The following PIGK variants were observed in gnomAD, a reference collection of about 807,000 sequenced individuals.
PIGK encodes phosphatidylinositol glycan anchor biosynthesis class K.
Under a neutral mutation model 50.6 loss-of-function variants are expected in PIGK, and 42 were observed. The ratio of observed to expected loss-of-function variants is 0.83; its 90% CI spans 0.65 to 1.07. The LOEUF (loss-of-function observed/expected upper bound fraction) is 1.07. Ranked by LOEUF, PIGK falls within the 50% of genes least tolerant of loss-of-function variation. PIGK has a pLI of 0.00. For missense variants in PIGK, 448 were observed against 488.7 expected (o/e 0.92, Z 0.78); for synonymous variants, 151 against 156.0 (o/e 0.97, Z 0.24).
chr1:77,200,751 T>C (rs1656145629), intron 3 of PIGK, among the ~76,000 whole-genome samples: 1 of 152,284 alleles, frequency 6.6e-6, no homozygotes, highest in Non-Finnish European at 1.5e-5. Flanking sequence ...AGACCTGAAT[T>C]CAAATTGTGA....
At chr1:77,153,758 G>A (rs1217974947) in intron 9 of PIGK, 3 of 152,048 alleles carry the variant, frequency 2.0e-5, no homozygotes, top group African/African-American at 7.2e-5. Context: ...TGCTGTAATT[G>A]TATATATTGC....
At chr1:77,189,736 TATATATATATATACAC>T (rs1179383016) in intron 3 of PIGK, among the ~76,000 whole-genome samples, 104 of 32,040 alleles carry the variant, frequency 3.2e-3, no homozygotes, top group African/African-American at 0.01. Flanking sequence ...TATATATATA[TATATATATATATACAC>T]ACACACACAC....
At chr1:77,200,732 A>G (rs1028692450) in intron 3 of PIGK, among the ~76,000 whole-genome samples, 14 of 152,186 alleles carry the variant, frequency 9.2e-5, no homozygotes, top group African/African-American at 3.4e-4. Context: ...CTCTGGCCAT[A>G]AAGTCAGAAG....
chr1:77,126,060 C>T (rs1323505403), intron 9 of PIGK, among the ~76,000 whole-genome samples: 1 of 152,068 alleles, frequency 6.6e-6, no homozygotes, highest in Admixed American at 6.6e-5. Flanking sequence ...ACATATCTTC[C>T]TGTTTGTCCA....
chr1:77,144,046 G>A (rs1350941096), intron 9 of PIGK, among the ~76,000 whole-genome samples: 2 of 152,048 alleles, frequency 1.3e-5, no homozygotes, highest in Non-Finnish European at 2.9e-5. Flanking sequence ...GAGGACAGAA[G>A]AGGTCCAGTA....
intron 10 of PIGK, among the ~76,000 whole-genome samples, chr1:77,113,088 CATT>C (rs1402895344): frequency 6.6e-6 from 1 of 151,946 alleles, no homozygotes; most frequent in Non-Finnish European, 1.5e-5. Flanking sequence ...TTAGAACAGT[CATT>C]ATGATTCTAT....
intron 10 of PIGK, among the ~76,000 whole-genome samples, chr1:77,098,111 G>T (rs1653462793): frequency 6.6e-6 from 1 of 152,108 alleles, no homozygotes; most frequent in Non-Finnish European, 1.5e-5. Context: ...CAGTGGGAAA[G>T]GGAATAGTAG....
Position 77,104,046 on chromosome 1 carries a change from T to C in PIGK, c.1072-11556A>G, listed in dbSNP as rs555264892. The stretch of plus-strand genomic sequence containing the variant: ...TCTTAAAAAAAAAAAAAAAGACTAC[T>C]CTGGATCTGTTGGTAACAACTTAAG... On this transcript the variant is annotated intron_variant, in intron 10 of 10. Transcript: ENST00000370812. Among the ~76,000 whole-genome samples, 19 of 149,710 alleles carry C rather than the reference T, an allele frequency of 1.3e-4. 1 individual carries two copies. Among genetic ancestry groups the C allele is most frequent in the Admixed American group, 1.3e-3 (19 of 15,106 alleles).
intron 1 of PIGK, among the ~76,000 whole-genome samples, chr1:77,213,233 A>G (rs1656462591): frequency 6.6e-6 from 1 of 152,158 alleles, no homozygotes; most frequent in African/African-American, 2.4e-5. Context: ...TTTACAGGAC[A>G]TTTCTTCCAA....
chr1:77,213,943 A>T (rs1656486906), intron 1 of PIGK, among the ~76,000 whole-genome samples: 1 of 152,196 alleles, frequency 6.6e-6, no homozygotes, highest in Admixed American at 6.5e-5. Context: ...GAAGAAATGG[A>T]TAAATTCCTG....
Position 77,091,578 on chromosome 1 carries a change from G to C in PIGK, c.*796C>G, listed in dbSNP as rs1653298919. 1 of 152,134 alleles carries C rather than the reference G, an allele frequency of 6.6e-6. No individual in the cohort carries two copies. The highest frequency in any genetic ancestry group is 1.5e-5 in the Non-Finnish European group (1 of 68,006). 9.4% of individuals were successfully genotyped at this position (152,134 alleles called of 1,614,324 possible). A position where few individuals can be genotyped will look rare whatever the true frequency, so the allele number is the denominator to read the frequency against. On this transcript the variant is annotated 3_prime_UTR_variant, in exon 11 of 11. Coordinates refer to ENST00000370812, the MANE Select transcript of PIGK (RefSeq NM_005482.3). ...GAACGCTTACAAATGAAAAACAATG[G>C]GGTATGTTTCTCTTGAGCAGTCAGT...
chr1:77,093,757 T>A (rs1338329943), intron 10 of PIGK, among the ~76,000 whole-genome samples: 1 of 152,108 alleles, frequency 6.6e-6, no homozygotes, highest in East Asian at 1.9e-4. Flanking sequence ...ATTTTTCTCA[T>A]GTTATTTTCC....
At chr1:77,217,733 T>C (rs1656603408) in intron 1 of PIGK, among the ~76,000 whole-genome samples, 1 of 152,196 alleles carries the variant, frequency 6.6e-6, no homozygotes, top group Non-Finnish European at 1.5e-5. Flanking sequence ...ACACGGGTTA[T>C]AGTAAATGAG....
At position 77,091,131 on chromosome 1, in the gene PIGK, A is replaced by G. The variant is rs1653288448; in HGVS notation, c.*1243T>C. 1 of 152,236 alleles carries G rather than the reference A, an allele frequency of 6.6e-6. No homozygotes were observed. Among genetic ancestry groups the G allele is most frequent in the Non-Finnish European group, 1.5e-5 (1 of 68,030 alleles). The allele number at this position is 152,236 out of a possible 1,614,324, so 9.4% of individuals were successfully genotyped here. ...AAGATGAACACATAAATTCTTGCATAAAACAGATAAGACACCTGAAGGTAT... is the reference window on the plus strand; with the variant it reads ...AAGATGAACACATAAATTCTTGCATGAAACAGATAAGACACCTGAAGGTAT... On this transcript the variant is annotated 3_prime_UTR_variant, in exon 11 of 11. Transcript: ENST00000370812.
intron 3 of PIGK, chr1:77,194,804 A>G (rs1351716501): frequency 1.3e-5 from 4 of 308,490 alleles, no homozygotes; most frequent in Non-Finnish European, 1.9e-5. Flanking sequence ...GTTGAAAAGA[A>G]AAAAAAAAAA....
At chr1:77,151,715 A>C (rs931981909) in intron 9 of PIGK, among the ~76,000 whole-genome samples, 6 of 152,158 alleles carry the variant, frequency 3.9e-5, no homozygotes, top group African/African-American at 1.2e-4. Context: ...CAATCTGAAA[A>C]AGGCATCAAG....
At chr1:77,196,951 C>T (rs839822) in intron 3 of PIGK, among the ~76,000 whole-genome samples, 25,941 of 152,040 alleles carry the variant, frequency 0.17, 3,746 homozygotes, top group African/African-American at 0.39. Flanking sequence ...AGTTGGAGAT[C>T]TTACATTTAT....
intron 3 of PIGK, among the ~76,000 whole-genome samples, chr1:77,194,468 A>G (rs369550159): frequency 1.3e-5 from 2 of 152,204 alleles, no homozygotes; most frequent in South Asian, 4.1e-4. Context: ...AAAAAAACAC[A>G]CAATTTTGCC....
intron 3 of PIGK, among the ~76,000 whole-genome samples, chr1:77,189,589 T>G: frequency 6.6e-6 from 1 of 151,540 alleles, no homozygotes; most frequent in Non-Finnish European, 1.5e-5. Context: ...CCTCAAACAT[T>G]GGACTCCAAG....
Sources: gnomAD v4.1 joint callset for allele counts (sites outside exome capture counted in the v4.1 genomes callset) on GRCh38, gnomAD v4.1.1 for gene constraint, MANE v1.5 for transcripts, NCBI Gene and HGNC (gene_info 2026-07-23, HGNC 2026-07-21) for gene names.